The following FAM3B variants were observed in gnomAD, a reference collection of about 807,000 sequenced individuals.
FAM3B encodes the protein FAM3 metabolism regulating signaling molecule B, also known as protein FAM3B.
In FAM3B, 29 loss-of-function variants were observed where a neutral mutation model predicts 28.4. The ratio of observed to expected loss-of-function variants is 1.02; its 90% CI spans 0.76 to 1.39. FAM3B has a LOEUF of 1.39. Among genes scored for constraint, FAM3B ranks in the 40% most tolerant of loss-of-function variants. FAM3B has a pLI of 0.00. For synonymous variants in FAM3B, 91 were observed against 103.0 expected (o/e 0.88, Z 0.71); for missense variants, 266 against 293.9 (o/e 0.91, Z 0.69).
At chr21:41,345,968 T>C (rs2089055296) in intron 5 of FAM3B, 1 of 407,464 alleles carries the variant, frequency 2.5e-6, no homozygotes, top group Non-Finnish European at 4.4e-6. Context: ...TTTTCCTCAG[T>C]CTTTCTCTTT....
intron 1 of FAM3B, among the ~76,000 whole-genome samples, chr21:41,309,038 C>G (rs2088696609): frequency 6.6e-6 from 1 of 152,158 alleles, no homozygotes; most frequent in Non-Finnish European, 1.5e-5. Flanking sequence ...GATGCAGGGT[C>G]TCAACTTAAG....
chr21:41,313,503 A>G (rs1394039649), upstream of FAM3B, among the ~76,000 whole-genome samples: 2 of 135,508 alleles, frequency 1.5e-5, no homozygotes, highest in Admixed American at 1.5e-4. Context: ...ACCTCATCAT[A>G]CAGTATGTAT....
intron 1 of FAM3B, among the ~76,000 whole-genome samples, chr21:41,304,788 G>T (rs2088673783): frequency 6.6e-6 from 1 of 152,206 alleles, no homozygotes; most frequent in Non-Finnish European, 1.5e-5. Context: ...GAGCCATGGA[G>T]GCTTTCATCT....
intron 2 of FAM3B, among the ~76,000 whole-genome samples, chr21:41,334,404 CACTA>C (rs1307783874): frequency 6.6e-6 from 1 of 152,194 alleles, no homozygotes; most frequent in African/African-American, 2.4e-5. Flanking sequence ...CCCAGGGCCC[CACTA>C]ACCTGTTCAG....
chr21:41,322,960 G>A lies in FAM3B; in HGVS notation c.57G>A (p.Leu19=). The A allele has an allele frequency of 6.2e-7, 1 of 1,613,434 alleles. No homozygotes were observed. Among genetic ancestry groups the A allele is most frequent in the Non-Finnish European group, 8.5e-7 (1 of 1,180,040 alleles). Reference sequence around the variant, plus strand: ...TGGTGTTCGTGGTCTTCGCCTCCTTGTGTGCCTGGTATTCGGGGTACCTGC... The same window carrying A: ...TGGTGTTCGTGGTCTTCGCCTCCTTATGTGCCTGGTATTCGGGGTACCTGC... The part of the protein sequence containing the change: ...LKVVFVVFAS[L]CAWYSGYLLA... Residue 19 remains leucine, a synonymous_variant, in exon 2 of 8, where the codon TTG becomes TTA. Coordinates refer to ENST00000357985, the MANE Select transcript of FAM3B (RefSeq NM_058186.4).
rs1024914686 is a variant in FAM3B at position 41,344,347 on chromosome 21, C to A, written c.288-129C>A. 18 of 788,372 alleles carry A rather than the reference C, an allele frequency of 2.3e-5. No homozygotes were observed. In the African/African-American group the frequency reaches 2.6e-4, roughly 11 times the overall value. The allele number at this position is 788,372 out of a possible 1,614,324, so 48.8% of individuals were successfully genotyped here. On this transcript the variant is annotated intron_variant, in intron 3 of 7. Coordinates refer to ENST00000357985, the MANE Select transcript of FAM3B (RefSeq NM_058186.4). Reference sequence around the variant, plus strand: ...GGCGGTCTCGGGAGCTGCACCAAGGCGAATGCAGACTTTCAAGGAAAAGGT... The same window carrying A: ...GGCGGTCTCGGGAGCTGCACCAAGGAGAATGCAGACTTTCAAGGAAAAGGT...
intron 1 of FAM3B, among the ~76,000 whole-genome samples, chr21:41,309,622 C>T (rs1372527662): frequency 6.6e-6 from 1 of 152,218 alleles, no homozygotes; most frequent in Non-Finnish European, 1.5e-5. Flanking sequence ...TGAACCCACA[C>T]CTTTCCAAAT....
chr21:41,309,461 T>A (rs1299735663), intron 1 of FAM3B, among the ~76,000 whole-genome samples: 2 of 152,162 alleles, frequency 1.3e-5, no homozygotes, highest in African/African-American at 4.8e-5. Flanking sequence ...GCCACGAGCA[T>A]CATGATGATG....
At position 41,344,506 on chromosome 21, in the gene FAM3B, C is replaced by T. The variant is rs762624679; in HGVS notation, c.318C>T (p.Ala106=). ...TGGGAGAACAGCTGGGAAATGTTGC[C>T]AGAGGAATAAACATTGCCATTGTCA... The part of the protein sequence containing the change: ...LLMGEQLGNV[A]RGINIAIVNY... Residue 106 remains alanine (A), a synonymous_variant, in exon 4 of 8, where the codon GCC becomes GCT. Transcript: ENST00000357985. 1 of 1,614,088 alleles carries T rather than the reference C, an allele frequency of 6.2e-7. No individual in the cohort carries two copies. The highest frequency in any genetic ancestry group is 1.7e-5 in the Admixed American group (1 of 60,022).
intron 1 of FAM3B, among the ~76,000 whole-genome samples, chr21:41,318,706 A>T (rs2088773291): frequency 6.6e-6 from 1 of 152,162 alleles, no homozygotes; most frequent in Non-Finnish European, 1.5e-5. Flanking sequence ...GACAGCAGTG[A>T]AAACAGCTTC....
chr21:41,354,434 G>T (rs1329292300), intron 7 of FAM3B, among the ~76,000 whole-genome samples: 1 of 152,128 alleles, frequency 6.6e-6, no homozygotes, highest in Admixed American at 6.5e-5. Context: ...CAACCCAAAT[G>T]CCCATCAATG....
chr21:41,308,613 C>T (rs1208470820), intron 1 of FAM3B, among the ~76,000 whole-genome samples: 2 of 147,442 alleles, frequency 1.4e-5, no homozygotes, highest in Non-Finnish European at 3.0e-5. Flanking sequence ...GATCTTGGCT[C>T]ACCACAACCT....
intron 7 of FAM3B, among the ~76,000 whole-genome samples, chr21:41,350,848 T>C (rs2089112146): frequency 1.3e-5 from 2 of 152,208 alleles, no homozygotes; most frequent in Non-Finnish European, 2.9e-5. Context: ...CTTTCCTTCC[T>C]TCCCAGTTCC....
upstream of FAM3B, among the ~76,000 whole-genome samples, chr21:41,312,720 A>AGTGTGTGTGTGT (rs1300906015): frequency 1.0e-4 from 11 of 106,390 alleles, no homozygotes; most frequent in Admixed American, 9.3e-5. Flanking sequence ...TGTGTGTGTG[A>AGTGTGTGTGTGT]GAGTGTGTGT....
chr21:41,325,563 T>C (rs980156542), intron 2 of FAM3B, among the ~76,000 whole-genome samples: 9 of 152,184 alleles, frequency 5.9e-5, no homozygotes, highest in Admixed American at 1.3e-4. Flanking sequence ...CTCTGGGAAA[T>C]TCAAAGCTCC....
At chr21:41,318,092 A>G (rs993136689) in intron 1 of FAM3B, among the ~76,000 whole-genome samples, 1 of 152,164 alleles carries the variant, frequency 6.6e-6, no homozygotes. Flanking sequence ...TCCCTCAGCC[A>G]GGACTTTTTC....
chr21:41,328,937 C>G (rs1385749387), intron 2 of FAM3B, among the ~76,000 whole-genome samples: 1 of 152,228 alleles, frequency 6.6e-6, no homozygotes, highest in Non-Finnish European at 1.5e-5. Flanking sequence ...TGTCGCAGCA[C>G]TTCTGTGTGC....
intron 2 of FAM3B, among the ~76,000 whole-genome samples, chr21:41,329,852 G>A (rs2088888918): frequency 6.6e-6 from 1 of 152,142 alleles, no homozygotes. Context: ...TTACAGGCAT[G>A]AGCCACCATG....
At chr21:41,354,996 T>G (rs1287446021) in intron 7 of FAM3B, among the ~76,000 whole-genome samples, 1 of 152,138 alleles carries the variant, frequency 6.6e-6, no homozygotes, top group Non-Finnish European at 1.5e-5. Flanking sequence ...TAACCCAATT[T>G]AAAAATGGAC....
Sources: gnomAD v4.1 joint callset for allele counts (sites outside exome capture counted in the v4.1 genomes callset) on GRCh38, gnomAD v4.1.1 for gene constraint, MANE v1.5 for transcripts, NCBI Gene and HGNC (gene_info 2026-07-23, HGNC 2026-07-21) for gene names.